The following TTC28 variants were observed in gnomAD, a reference collection of about 807,000 sequenced individuals.
TTC28 encodes tetratricopeptide repeat protein 28.
A neutral mutation model predicts 198.0 loss-of-function variants in TTC28; 61 were observed. That is an observed-to-expected ratio of 0.31 (90% CI 0.25 to 0.38). The LOEUF is 0.38. TTC28 is among the 10% of genes least tolerant of loss of function. TTC28 has a pLI of 1.00. For missense variants in TTC28, 2,678 were observed against 3,164.0 expected (o/e 0.85, Z 3.69); for synonymous variants, 1,171 against 1,297.8 (o/e 0.90, Z 2.10).
chr22:28,088,262 A>G (rs1239655453), intron 12 of TTC28, among the ~76,000 whole-genome samples: 1 of 152,162 alleles, frequency 6.6e-6, no homozygotes, highest in Admixed American at 6.6e-5. Flanking sequence ...ACTTCCAACT[A>G]TACTACAAGG....
intron 5 of TTC28, among the ~76,000 whole-genome samples, chr22:28,272,711 T>C (rs990186594): frequency 2.0e-5 from 3 of 152,200 alleles, no homozygotes. Flanking sequence ...GTATTTGGGA[T>C]GGAAGGGACC....
chr22:28,523,725 A>G lies in TTC28; in HGVS notation c.381+105827T>C, dbSNP rs183974850. ...CATGCACACACAGTTAGCAAAGAAC[A>G]CAGTAGAGCCTGACTCCAGAATCTA... On this transcript the variant is annotated intron_variant, in intron 2 of 22. Coordinates refer to ENST00000397906, the MANE Select transcript of TTC28 (RefSeq NM_001145418.2). Among the ~76,000 whole-genome samples, 732 of 152,364 alleles carry G rather than the reference A, an allele frequency of 4.8e-3. 9 individuals are homozygous for G. Among genetic ancestry groups the G allele is most frequent in the Non-Finnish European group, 5.8e-3 (395 of 68,044 alleles).
At chr22:28,277,818 A>G (rs1047316204) in intron 5 of TTC28, among the ~76,000 whole-genome samples, 3 of 152,100 alleles carry the variant, frequency 2.0e-5, no homozygotes, top group South Asian at 2.1e-4. Context: ...AGTTTCTCCA[A>G]TCTGGCCCCG....
intron 1 of TTC28, among the ~76,000 whole-genome samples, chr22:28,643,591 G>C (rs1421600953): frequency 6.6e-6 from 1 of 152,104 alleles, no homozygotes; most frequent in Non-Finnish European, 1.5e-5. Context: ...AAATTATTTG[G>C]GAGAAATTCC....
chr22:28,524,582 C>T (rs2048973281), intron 2 of TTC28, among the ~76,000 whole-genome samples: 1 of 152,016 alleles, frequency 6.6e-6, no homozygotes. Context: ...TCAAGACAAT[C>T]CTTGGCGAAA....
At chr22:28,367,888 C>T (rs1053192590) in intron 2 of TTC28, among the ~76,000 whole-genome samples, 5 of 151,930 alleles carry the variant, frequency 3.3e-5, no homozygotes, top group Admixed American at 2.6e-4. Flanking sequence ...CCTGAACAGA[C>T]CAATAACAAG....
intron 2 of TTC28, among the ~76,000 whole-genome samples, chr22:28,589,597 G>C (rs1166753640): frequency 1.3e-5 from 2 of 152,164 alleles, no homozygotes; most frequent in Non-Finnish European, 2.9e-5. Flanking sequence ...AGGGTTGCCT[G>C]GTTGTGAGTC....
intron 3 of TTC28, among the ~76,000 whole-genome samples, chr22:28,298,176 C>T (rs1392337075): frequency 6.6e-6 from 1 of 152,196 alleles, no homozygotes. Flanking sequence ...CAGGCACATC[C>T]CTCAAGTCCT....
intron 6 of TTC28, among the ~76,000 whole-genome samples, chr22:28,151,029 G>A (rs1943594733): frequency 1.3e-5 from 2 of 152,308 alleles, no homozygotes; most frequent in Middle Eastern, 3.4e-3. Context: ...GCTGCCTAAC[G>A]GGAAAAGTCC....
At chr22:28,105,890 C>T (rs1942283201) in intron 7 of TTC28, 88 bp from the exon 8 acceptor site, 1 of 1,411,680 alleles carries the variant, frequency 7.1e-7, no homozygotes, top group Admixed American at 2.7e-5. Flanking sequence ...AAGCATTTGT[C>T]ACTGTCACTT....
chr22:28,344,502 A>G (rs1354203441), intron 2 of TTC28, among the ~76,000 whole-genome samples: 1 of 152,204 alleles, frequency 6.6e-6, no homozygotes, highest in Non-Finnish European at 1.5e-5. Context: ...TGGATCTCTA[A>G]CATGCTGAAA....
chr22:28,067,878 T>C (rs1312977551), intron 12 of TTC28, among the ~76,000 whole-genome samples: 1 of 152,234 alleles, frequency 6.6e-6, no homozygotes, highest in Non-Finnish European at 1.5e-5. Context: ...GCTACCTGCT[T>C]CTTAGCCCAT....
chr22:28,234,200 C>T (rs1288710144), intron 5 of TTC28, among the ~76,000 whole-genome samples: 1 of 151,964 alleles, frequency 6.6e-6, no homozygotes, highest in Non-Finnish European at 1.5e-5. Flanking sequence ...GCCACCGCAC[C>T]TGGCCAAATT....
At chr22:28,420,278 T>TA (rs1326508003) in intron 2 of TTC28, among the ~76,000 whole-genome samples, 8 of 152,102 alleles carry the variant, frequency 5.3e-5, no homozygotes, top group African/African-American at 1.7e-4. Context: ...AGGGCTGCAG[T>TA]AAAAAAAGAA....
At chr22:28,679,005 C>G (rs777845237) in intron 1 of TTC28, among the ~76,000 whole-genome samples, 1 of 152,190 alleles carries the variant, frequency 6.6e-6, no homozygotes, top group Non-Finnish European at 1.5e-5. Flanking sequence ...GCTCGAGAGC[C>G]CAGAGACATC....
intron 2 of TTC28, among the ~76,000 whole-genome samples, chr22:28,465,949 T>A (rs1476500747): frequency 1.3e-5 from 2 of 152,186 alleles, no homozygotes; most frequent in Admixed American, 1.3e-4. Flanking sequence ...TAAAGATATG[T>A]CCAAGAAATT....
intron 13 of TTC28, among the ~76,000 whole-genome samples, chr22:28,028,113 G>T (rs1008298333): frequency 2.6e-5 from 4 of 152,174 alleles, no homozygotes; most frequent in African/African-American, 9.7e-5. Flanking sequence ...GAAGAACGCC[G>T]GCTATTTCCC....
chr22:28,467,824 C>T (rs1206732800), intron 2 of TTC28, among the ~76,000 whole-genome samples: 1 of 152,138 alleles, frequency 6.6e-6, no homozygotes, highest in African/African-American at 2.4e-5. Flanking sequence ...TGCAGTGGTA[C>T]AAACATGGCT....
intron 5 of TTC28, among the ~76,000 whole-genome samples, chr22:28,198,829 G>C (rs138223584): frequency 6.6e-6 from 1 of 152,192 alleles, no homozygotes; most frequent in African/African-American, 2.4e-5. Context: ...GATTACAACA[G>C]GGAAGTCTTT....
Sources: allele counts gnomAD v4.1 joint callset (sites outside exome capture counted in the v4.1 genomes callset), GRCh38; gene constraint gnomAD v4.1.1; transcripts MANE v1.5; gene names NCBI Gene and HGNC (gene_info 2026-07-23, HGNC 2026-07-21).